The following PDE10A variants were observed in gnomAD, a reference collection of about 807,000 sequenced individuals.
PDE10A encodes the protein phosphodiesterase 10A.
PDE10A carries 39 observed loss-of-function variants against 97.7 expected under a neutral mutation model. The observed-to-expected ratio is 0.40, with a 90% CI of 0.31 to 0.52. PDE10A has a LOEUF of 0.52. Ranked by LOEUF, PDE10A falls within the 20% of genes least tolerant of loss-of-function variation. The pLI is 0.56. For missense variants in PDE10A, 731 were observed against 1,047.8 expected (o/e 0.70, Z 4.17); for synonymous variants, 371 against 376.8 (o/e 0.98, Z 0.18).
chr6:165,770,056 A>C (rs915181308), intron 1 of PDE10A, among the ~76,000 whole-genome samples: 4 of 152,204 alleles, frequency 2.6e-5, no homozygotes, highest in African/African-American at 9.6e-5. Flanking sequence ...GCTCTGCTCT[A>C]AGAAAAGTCC....
chr6:165,658,339 T>C (rs557679649), intron 1 of PDE10A, among the ~76,000 whole-genome samples: 1 of 152,216 alleles, frequency 6.6e-6, no homozygotes, highest in Admixed American at 6.5e-5. Flanking sequence ...GGCAATCAAC[T>C]GTAGTCTGAA....
intron 3 of PDE10A, among the ~76,000 whole-genome samples, chr6:165,470,940 C>T (rs1269988269): frequency 6.6e-6 from 1 of 152,166 alleles, no homozygotes; most frequent in Non-Finnish European, 1.5e-5. Context: ...TTTTTGTTGC[C>T]TCTTTATAGC....
chr6:165,548,931 A>G (rs974224448), intron 1 of PDE10A, among the ~76,000 whole-genome samples: 4 of 152,208 alleles, frequency 2.6e-5, no homozygotes, highest in African/African-American at 7.2e-5. Flanking sequence ...CTACGAAACC[A>G]TATATTTGAA....
At chr6:165,353,596 CT>C (rs1279283198) in intron 18 of PDE10A, among the ~76,000 whole-genome samples, 4 of 152,086 alleles carry the variant, frequency 2.6e-5, no homozygotes, top group African/African-American at 9.7e-5. Flanking sequence ...ATGGAAGAAA[CT>C]TAAATGCATA....
intron 1 of PDE10A, among the ~76,000 whole-genome samples, chr6:165,838,608 A>C (rs1780130885): frequency 6.6e-6 from 1 of 152,146 alleles, no homozygotes; most frequent in Non-Finnish European, 1.5e-5. Context: ...CTTTCAAGAC[A>C]ATTTGTTTTA....
intron 1 of PDE10A, among the ~76,000 whole-genome samples, chr6:165,772,891 T>G (rs1455753966): frequency 6.6e-6 from 1 of 152,240 alleles, no homozygotes; most frequent in Non-Finnish European, 1.5e-5. Context: ...CAGAGACTCC[T>G]GGCTGGGCAT....
chr6:165,798,818 G>C (rs958903997), intron 1 of PDE10A, among the ~76,000 whole-genome samples: 7 of 152,008 alleles, frequency 4.6e-5, no homozygotes, highest in African/African-American at 1.5e-4. Context: ...GGCGATTCTC[G>C]TGCCTCAGCT....
intron 1 of PDE10A, among the ~76,000 whole-genome samples, chr6:165,649,806 A>G (rs575516104): frequency 6.1e-4 from 93 of 152,208 alleles, no homozygotes; most frequent in Middle Eastern, 3.2e-3. Flanking sequence ...TGTTTCTACA[A>G]CAAGGCATCT....
intron 18 of PDE10A, among the ~76,000 whole-genome samples, chr6:165,350,135 A>G (rs761464208): frequency 3.4e-4 from 52 of 152,188 alleles, no homozygotes; most frequent in Non-Finnish European, 1.3e-4. Flanking sequence ...TACAGCTTGC[A>G]TCGTGCACCT....
At chr6:165,814,656 C>T (rs1779362561) in intron 1 of PDE10A, among the ~76,000 whole-genome samples, 1 of 152,146 alleles carries the variant, frequency 6.6e-6, no homozygotes, top group Admixed American at 6.5e-5. Flanking sequence ...GAAACCTCTT[C>T]ATATAGTCAC....
upstream of PDE10A, among the ~76,000 whole-genome samples, chr6:165,664,104 C>T (rs1458736355): frequency 6.6e-6 from 1 of 152,136 alleles, no homozygotes; most frequent in East Asian, 1.9e-4. Flanking sequence ...GACGAGGTCA[C>T]CTTCCCCGGA....
chr6:165,950,297 G>A (rs1295637118), intron 1 of PDE10A, among the ~76,000 whole-genome samples: 1 of 152,152 alleles, frequency 6.6e-6, no homozygotes, highest in Non-Finnish European at 1.5e-5. Context: ...GGCTTTTATA[G>A]CTTGATAGCC....
At position 165,792,613 on chromosome 6, in the gene PDE10A, C is replaced by T. The variant is rs536634940; in HGVS notation, c.-615+194916G>A. Among the ~76,000 whole-genome samples, 7 of 152,160 alleles carry T rather than the reference C, an allele frequency of 4.6e-5. No individual in the cohort carries two copies. In the South Asian group the frequency reaches 6.2e-4, roughly 14 times the overall value. ...TTCCTCTCCTTGCCCCAGATTCCAC[C>T]GGGTTCAGTCCTGGGTGACTCCTCC... On this transcript the variant is annotated intron_variant, in intron 1 of 19. Coordinates refer to the PDE10A transcript ENST00000366882.
chr6:165,752,443 C>T (rs1381514629), intron 1 of PDE10A, among the ~76,000 whole-genome samples: 2 of 152,180 alleles, frequency 1.3e-5, no homozygotes, highest in East Asian at 3.8e-4. Context: ...CTGGCCTAGA[C>T]ACTGCAAGAT....
chr6:165,551,675 C>T (rs941661333), intron 1 of PDE10A, among the ~76,000 whole-genome samples: 4 of 152,180 alleles, frequency 2.6e-5, no homozygotes, highest in African/African-American at 9.7e-5. Context: ...TTTCTTTACA[C>T]TTCCTCCCGT....
chr6:165,779,433 A>G (rs920311741), intron 1 of PDE10A, among the ~76,000 whole-genome samples: 2 of 152,146 alleles, frequency 1.3e-5, no homozygotes, highest in Non-Finnish European at 2.9e-5. Context: ...CCAAAGTCAC[A>G]TCACTTCAGC....
intron 6 of PDE10A, among the ~76,000 whole-genome samples, chr6:165,434,036 A>AAAAAG: frequency 6.9e-6 from 1 of 144,476 alleles, no homozygotes; most frequent in South Asian, 2.2e-4. Flanking sequence ...AAAAAAAAAA[A>AAAAAG]AAGAAGTAGT....
At chr6:165,761,172 C>T (rs1236643237) in intron 1 of PDE10A, among the ~76,000 whole-genome samples, 2 of 152,220 alleles carry the variant, frequency 1.3e-5, no homozygotes, top group African/African-American at 4.8e-5. Context: ...CTTTTCTTTT[C>T]TCCCAATAAA....
intron 17 of PDE10A, among the ~76,000 whole-genome samples, chr6:165,384,892 C>T (rs1030217551): frequency 3.3e-5 from 5 of 152,106 alleles, no homozygotes; most frequent in African/African-American, 4.8e-5. Context: ...GGAACTATTT[C>T]CAACCATCAT....
Sources: allele counts gnomAD v4.1 joint callset (sites outside exome capture counted in the v4.1 genomes callset), GRCh38; gene constraint gnomAD v4.1.1; transcripts MANE v1.5; gene names NCBI Gene and HGNC (gene_info 2026-07-23, HGNC 2026-07-21).